Variants in G3BP1 observed in about 807,000 individuals in gnomAD.
G3BP1 encodes the protein G3BP stress granule assembly factor 1.
In G3BP1, 35 loss-of-function variants were observed where a neutral mutation model predicts 58.6. That is an observed-to-expected ratio of 0.60 (90% CI 0.46 to 0.79). G3BP1 has a LOEUF of 0.79. Among genes scored for constraint, G3BP1 ranks in the 30% least tolerant of loss-of-function variants. The pLI, the probability that G3BP1 is intolerant of heterozygous loss-of-function variation, is 0.00. For synonymous variants in G3BP1, 191 were observed against 195.4 expected, an observed-to-expected ratio of 0.98 and a Z score of 0.19; for missense variants, 523 against 580.8, an observed-to-expected ratio of 0.90 and a Z score of 1.02.
chr5:151,786,338 T>C (rs1407390841), intron 1 of G3BP1, among the ~76,000 whole-genome samples: 1 of 152,142 alleles, frequency 6.6e-6, no homozygotes, highest in Non-Finnish European at 1.5e-5. Flanking sequence ...ATATATACCT[T>C]TGAGGTTCTT....
chr5:151,778,472 G>T lies in G3BP1; in HGVS notation c.-50+6436G>T, dbSNP rs530178321. Among the ~76,000 whole-genome samples, 5 of 152,072 alleles carry T rather than the reference G, an allele frequency of 3.3e-5. No individual in the cohort carries two copies. In the South Asian group the frequency reaches 1.0e-3, roughly 32 times the overall value. ...TTTTTTTGTTTTGAGACAGTGTTTC[G>T]CTCTTGTTGCCCGGGCTGGAGTGCA... On this transcript the variant is annotated intron_variant, in intron 1 of 11. Coordinates refer to ENST00000356245, the MANE Select transcript of G3BP1 (RefSeq NM_005754.3).
intron 3 of G3BP1, 61 bp downstream of exon 3, chr5:151,790,465 A>AGCAG: frequency 1.2e-6 from 1 of 841,450 alleles, no homozygotes; most frequent in Non-Finnish European, 1.9e-6. Context: ...ATAAAATTGA[A>AGCAG]GTGGATCATA....
intron 3 of G3BP1, 26 bp from the exon 4 acceptor site, chr5:151,790,863 A>ATTG: frequency 7.6e-7 from 1 of 1,321,496 alleles, no homozygotes; most frequent in Non-Finnish European, 1.1e-6. Flanking sequence ...TCAGTTGATT[A>ATTG]TTATTATTAT....
intron 1 of G3BP1, among the ~76,000 whole-genome samples, chr5:151,783,919 C>A (rs1214774413): frequency 1.3e-5 from 2 of 151,942 alleles, no homozygotes; most frequent in African/African-American, 2.4e-5. Context: ...CGTGCCACCA[C>A]GGCCAGCTAA....
At chr5:151,788,090 AT>A (rs974052523) in intron 2 of G3BP1, among the ~76,000 whole-genome samples, 6 of 151,844 alleles carry the variant, frequency 4.0e-5, no homozygotes, top group Non-Finnish European at 8.8e-5. Context: ...CGCCCAGCTA[AT>A]TTTTTGTAGA....
At chr5:151,802,705 G>A (rs923263542) in intron 11 of G3BP1, among the ~76,000 whole-genome samples, 6 of 152,194 alleles carry the variant, frequency 3.9e-5, no homozygotes, top group South Asian at 2.1e-4. Flanking sequence ...AGGCCGAGGC[G>A]GGCGGATCAC....
chr5:151,794,206 C>T lies in G3BP1; in HGVS notation c.399C>T (p.Tyr133=). Residue 133 remains tyrosine (Y), a synonymous_variant, in exon 5 of 12, where the codon TAC becomes TAT. Coordinates refer to ENST00000356245, the MANE Select transcript of G3BP1 (RefSeq NM_005754.3). ...KFYVHNDIFR[Y]QDEVFGGFVT... ...ATGTTCACAATGATATCTTCAGATA[C>T]CAAGATGAGGTCTTTGGTGGGTTTG... 1.2e-6 allele frequency: 2 copies of T among 1,610,562 alleles called. No individual in the cohort carries two copies. The highest frequency in any genetic ancestry group is 1.1e-5 in the South Asian group (1 of 90,984).
rs1762933329 is a variant in G3BP1, at chr5:151,805,961, C to T, written c.*1870C>T. On this transcript the variant is annotated 3_prime_UTR_variant, in exon 12 of 12. Coordinates refer to ENST00000356245, the MANE Select transcript of G3BP1 (RefSeq NM_005754.3). ...AATTATACATTTCAAAACAGAAGTT[C>T]TTCCTACTTGGAGACTTAAGGGCAT... 1 of 152,142 alleles carries T rather than the reference C, an allele frequency of 6.6e-6. No individual in the cohort carries two copies. The highest frequency in any genetic ancestry group is 2.4e-5 in the African/African-American group (1 of 41,434). 9.4% of individuals were successfully genotyped at this position (152,142 alleles called of 1,614,324 possible).
Position 151,791,018 on chromosome 5 carries a change from C to T in G3BP1, c.307C>T (p.Gln103Ter). Residue 103 changes from glutamine to a stop codon, truncating the protein, a stop_gained, in exon 4 of 12, where the codon CAG becomes TAG. Transcript: ENST00000356245. LOFTEE classifies it high-confidence loss of function. ...QVMGLLSNNN[Q>*]ALRRFMQTFV... is the part of the protein sequence containing the mutation. ...GATGGGGCTTCTCTCTAACAACAAC[C>T]AGGCTTTGAGGAGATTCATGCAAAC... 1 of 1,613,846 alleles carries T rather than the reference C, an allele frequency of 6.2e-7. No homozygotes were observed. Among genetic ancestry groups the T allele is most frequent in the Non-Finnish European group, 8.5e-7 (1 of 1,179,842 alleles).
intron 1 of G3BP1, 179 bp downstream of exon 1, chr5:151,772,215 T>TCGCTCC (rs1762278327): frequency 7.2e-6 from 1 of 138,566 alleles, no homozygotes; most frequent in Non-Finnish European, 1.6e-5. Flanking sequence ...CGGCGGCTCC[T>TCGCTCC]CGCTCCCGCT....
intron 8 of G3BP1, among the ~76,000 whole-genome samples, chr5:151,799,684 C>CA (rs534014241): frequency 0.026 from 3,222 of 125,394 alleles, 37 homozygotes; most frequent in Middle Eastern, 0.06. Context: ...GACTCTGGCT[C>CA]AAAAAAAAAA....
rs201701435 is a variant in G3BP1 at position 151,797,296 on chromosome 5, A to G, written c.609A>G (p.Glu203=). Residue 203 remains glutamate (E), a synonymous_variant, in exon 7 of 12, where the codon GAA becomes GAG. Coordinates refer to ENST00000356245, the MANE Select transcript of G3BP1 (RefSeq NM_005754.3). ...AGCCTGATCCTGAACCAGAACCAGAACAAGAACCTGTATCTGAAATCCAAG... is the reference window on the plus strand; with the variant it reads ...AGCCTGATCCTGAACCAGAACCAGAGCAAGAACCTGTATCTGAAATCCAAG... ...EPEPDPEPEP[E]QEPVSEIQEE... 6.2e-7 allele frequency: 1 copy of G among 1,613,354 alleles called. No homozygotes were observed. The highest frequency in any genetic ancestry group is 1.7e-5 in the Admixed American group (1 of 60,018).
chr5:151,786,852 T>G, intron 2 of G3BP1, 137 bp downstream of exon 2: 1 of 611,300 alleles, frequency 1.6e-6, no homozygotes, highest in East Asian at 2.9e-5. Flanking sequence ...ATCCCCCAAT[T>G]TTTTATTTGA....
intron 1 of G3BP1, among the ~76,000 whole-genome samples, chr5:151,775,932 A>G (rs1762362001): frequency 6.6e-6 from 1 of 152,256 alleles, no homozygotes; most frequent in South Asian, 2.1e-4. Flanking sequence ...TTGAATACCC[A>G]TTATCCACTG....
rs141266723 is a variant in G3BP1 at position 151,783,410 on chromosome 5, AT to A, written c.-49-3149del. On this transcript the variant is annotated intron_variant, in intron 1 of 11. Coordinates refer to ENST00000356245, the MANE Select transcript of G3BP1 (RefSeq NM_005754.3). ...TTGCTGTGAATGATCAAATAAACAG[AT>A]TTTTTTTTTTTTGTAAGGCAGAGTC... Among the ~76,000 whole-genome samples the A allele has an allele frequency of 3.5e-3, 508 of 145,794 alleles. 2 individuals are homozygous for A. The highest frequency in any genetic ancestry group is 7.1e-3 in the Middle Eastern group (2 of 280).
rs1020260455 is a variant in G3BP1, at chr5:151,795,276, T to TCAAAAAA, written c.443-188_443-182dup. Among the ~76,000 whole-genome samples, 7 of 152,256 alleles carry TCAAAAAA rather than the reference T, an allele frequency of 4.6e-5. No homozygotes were observed. In the Middle Eastern group the frequency reaches 0.01, roughly 222 times the overall value. On this transcript the variant is annotated intron_variant, in intron 5 of 11. Coordinates refer to ENST00000356245, the MANE Select transcript of G3BP1 (RefSeq NM_005754.3). ...CTGGGCGAGAGAGCGAGACTCCGTCTCAAAAAACAAAAAACAAAAAAAAGT... is the reference window on the plus strand; with the variant it reads ...CTGGGCGAGAGAGCGAGACTCCGTCTCAAAAAACAAAAAACAAAAAACAAAAAAAAGT...
intron 1 of G3BP1, among the ~76,000 whole-genome samples, chr5:151,779,871 T>C (rs761991491): frequency 3.3e-5 from 5 of 152,262 alleles, no homozygotes; most frequent in Non-Finnish European, 7.3e-5. Flanking sequence ...TAGATTGTTA[T>C]CAATGTTATA....
Position 151,804,218 on chromosome 5 carries a change from A to C in G3BP1, c.*127A>C, listed in dbSNP as rs1762906348. 1.7e-6 allele frequency: 1 copy of C among 602,536 alleles called. No individual in the cohort carries two copies. 37.3% of individuals were successfully genotyped at this position (602,536 alleles called of 1,614,324 possible). On this transcript the variant is annotated 3_prime_UTR_variant, in exon 12 of 12. Transcript: ENST00000356245. ...AAACTGCTTAAGTTTGTATAATTTT[A>C]CTTTTTTTGTGTGTTAATGGTGTGT...
intron 11 of G3BP1, among the ~76,000 whole-genome samples, chr5:151,803,506 T>A (rs1762891313): frequency 6.6e-6 from 1 of 152,110 alleles, no homozygotes; most frequent in African/African-American, 2.4e-5. Context: ...TTCTTTTTTT[T>A]TTCTGAGTCG....
Sources: gnomAD v4.1 joint callset for allele counts (sites outside exome capture counted in the v4.1 genomes callset) on GRCh38, gnomAD v4.1.1 for gene constraint, MANE v1.5 for transcripts, NCBI Gene and HGNC (gene_info 2026-07-23, HGNC 2026-07-21) for gene names.